Variants in PLPP2 observed in about 807,000 individuals in gnomAD.
PLPP2 encodes the protein PAP2-gamma.
A neutral mutation model predicts 35.2 loss-of-function variants in PLPP2; 29 were observed. The observed-to-expected ratio is 0.82, with a 90% CI of 0.61 to 1.12. The LOEUF is 1.12. Ranked by LOEUF, PLPP2 falls within the 50% of genes most tolerant of loss-of-function variation. The pLI is 0.00. For missense variants in PLPP2, 353 were observed against 375.2 expected, an observed-to-expected ratio of 0.94 and a Z score of 0.49; for synonymous variants, 162 against 167.0, an observed-to-expected ratio of 0.97 and a Z score of 0.23.
At position 287,900 on chromosome 19, in the gene PLPP2, TC is replaced by T; in HGVS notation, c.204+119del. Reference sequence around the variant, plus strand: ...AGGTACCACTCAGGGCAAGGCTGTGTCCCCCGGCCCCACACAGACCTCCAGG... The same window carrying T: ...AGGTACCACTCAGGGCAAGGCTGTGTCCCCGGCCCCACACAGACCTCCAGG... On this transcript the variant is annotated intron_variant, in intron 2 of 5. Coordinates refer to ENST00000434325, the MANE Select transcript of PLPP2 (RefSeq NM_003712.4). This position sits in a 1 kb window ranked among gnomAD's most constrained non-coding sequence, Gnocchi z 4.3. The T allele has an allele frequency of 6.6e-7, 1 of 1,506,220 alleles. No individual in the cohort carries two copies. The allele number at this position is 1,506,220 out of a possible 1,614,324, so 93.3% of individuals were successfully genotyped here.
intron 3 of PLPP2, chr19:285,413 A>G (rs1970254611): frequency 6.6e-6 from 1 of 151,948 alleles, no homozygotes; most frequent in South Asian, 2.1e-4. Context: ...CCTGGGGGAC[A>G]AGAGAGAGAC....
chr19:281,228 A>C lies in PLPP2; in HGVS notation c.*160T>G. 4.7e-6 allele frequency: 3 copies of C among 634,068 alleles called. No individual in the cohort carries two copies. Among genetic ancestry groups the C allele is most frequent in the Middle Eastern group, 4.8e-4 (1 of 2,092 alleles). 39.3% of individuals were successfully genotyped at this position (634,068 alleles called of 1,614,324 possible). On this transcript the variant is annotated 3_prime_UTR_variant, in exon 6 of 6. Transcript: ENST00000434325. ...CCAGGCATCTCCAGACTCCTGGTCC[A>C]GTGCAGGGCAGGGGGCAGCGGAGCC... is the stretch of plus-strand genomic sequence containing the variant.
At chr19:281,867 G>A (rs951255318) in intron 5 of PLPP2, 2 of 326,420 alleles carry the variant, frequency 6.1e-6, no homozygotes, top group Non-Finnish European at 1.1e-5. Flanking sequence ...GGATTGGGGG[G>A]AAGGGGTCCC....
Position 288,063 on chromosome 19 carries a change from T to C in PLPP2, c.161A>G (p.His54Arg). ...GATGGTGACCCCAGCCATGAGCCCG[T>C]GGGTGATGGTATCTGGACGGTAGGG... ...RYPYRPDTIT[H>R]GLMAGVTITA... Residue 54 changes from histidine (H) to arginine (R), a missense_variant, in exon 2 of 6, where the codon CAC (histidine) becomes CGC (arginine). Transcript: ENST00000434325. 6.2e-7 allele frequency: 1 copy of C among 1,613,782 alleles called. No homozygotes were observed. The highest frequency in any genetic ancestry group is 8.5e-7 in the Non-Finnish European group (1 of 1,179,954).
chr19:286,445 A>G (rs1409993611), intron 3 of PLPP2: 3 of 150,612 alleles, frequency 2.0e-5, no homozygotes, highest in African/African-American at 7.3e-5. Flanking sequence ...TCTCTAAAAG[A>G]AAAAAAAAAT....
intron 3 of PLPP2, chr19:285,248 C>T (rs1970251828): frequency 6.6e-6 from 1 of 152,022 alleles, no homozygotes; most frequent in Non-Finnish European, 1.5e-5. Flanking sequence ...GCCTAGCCAA[C>T]ATGGTGAAAC....
At chr19:282,039 A>G in intron 5 of PLPP2, 95 bp downstream of exon 5, 7 of 1,387,712 alleles carry the variant, frequency 5.0e-6, no homozygotes, top group Non-Finnish European at 6.9e-6. Flanking sequence ...CCAAGGAAGG[A>G]CTCAGTGGGG....
rs1412591886 is a variant in PLPP2, at chr19:287,630, C to T, written c.326G>A (p.Ser109Asn). 1 of 1,613,924 alleles carries T rather than the reference C, an allele frequency of 6.2e-7. No homozygotes were observed. Among genetic ancestry groups the T allele is most frequent in the Non-Finnish European group, 8.5e-7 (1 of 1,180,032 alleles). Residue 109 changes from serine to asparagine, a missense_variant, in exon 3 of 6, where the codon AGC becomes AAC. Coordinates refer to ENST00000434325, the MANE Select transcript of PLPP2 (RefSeq NM_003712.4). The surrounding 1 kb of genome is among the most constrained non-coding windows in gnomAD (Gnocchi z 4.3). ...CTTGGCCAGGTCTGTCAGAGACTGG[C>T]TCACGGCAGCCCCAAACAGGAAGGT... Reference protein sequence around the residue: ...LGTFLFGAAVSQSLTDLAKYM... With the variant: ...LGTFLFGAAVNQSLTDLAKYM...
In PLPP2 at chr19:282,794, C is replaced by T. The variant is rs751500921; in HGVS notation, c.498G>A (p.Ser166=). 1.6e-5 allele frequency: 26 copies of T among 1,613,574 alleles called. 1 individual carries two copies. The highest frequency in any genetic ancestry group is 1.6e-4 in the Middle Eastern group (1 of 6,080). ...DVTEARLSFY[S]GHSSFGMYCM... The stretch of plus-strand genomic sequence containing the variant: ...AGTACATCCCAAAGGAAGAGTGTCC[C>T]GAGTAGAAAGACAACCTGAGGAAGG... The change falls in exon 4 of 6, where the codon TCG becomes TCA. Residue 166 remains serine, a synonymous_variant. Coordinates refer to ENST00000434325, the MANE Select transcript of PLPP2 (RefSeq NM_003712.4).
intron 1 of PLPP2, 158 bp from the exon 2 acceptor site, chr19:288,329 T>TC (rs35895757): frequency 0.45 from 276,563 of 618,146 alleles, 67,070 homozygotes; most frequent in Middle Eastern, 0.48. Flanking sequence ...CCCTTTCGCA[T>TC]CCCCTCAGAC....
intron 1 of PLPP2, chr19:290,968 G>T: frequency 8.0e-7 from 1 of 1,246,438 alleles, no homozygotes; most frequent in Admixed American, 4.2e-5. Context: ...GGCCAGGCGG[G>T]GCGGGATGGA....
chr19:282,856 T>C, intron 3 of PLPP2, 47 bp from the exon 4 acceptor site: 1 of 1,547,620 alleles, frequency 6.5e-7, no homozygotes, highest in Non-Finnish European at 8.9e-7. Flanking sequence ...CCTTCCAACC[T>C]CCCCCTTGTC....
chr19:290,737 G>C (rs1225368362), intron 1 of PLPP2, among the ~76,000 whole-genome samples: 1 of 152,138 alleles, frequency 6.6e-6, no homozygotes, highest in African/African-American at 2.4e-5. Context: ...CTGGGACCCA[G>C]CCTTCATCCC....
chr19:288,892 A>G (rs2145277169), intron 1 of PLPP2, among the ~76,000 whole-genome samples: 1 of 152,318 alleles, frequency 6.6e-6, no homozygotes, highest in Non-Finnish European at 1.5e-5. Context: ...ATCGGTTAAA[A>G]TAAGGCAGGA....
At chr19:288,299 T>C (rs564256056) in intron 1 of PLPP2, 128 bp from the exon 2 acceptor site, 1 of 939,212 alleles carries the variant, frequency 1.1e-6, no homozygotes, top group East Asian at 2.7e-5. Context: ...AAGAGCTTTT[T>C]TCACAGCCCA....
At chr19:289,185 C>T (rs927660149) in intron 1 of PLPP2, among the ~76,000 whole-genome samples, 2 of 152,144 alleles carry the variant, frequency 1.3e-5, no homozygotes, top group Admixed American at 6.5e-5. Flanking sequence ...AACAAAAGCC[C>T]GGGTCGGCTA....
At chr19:282,544 C>T (rs112027115) in intron 4 of PLPP2, among the ~76,000 whole-genome samples, 2 of 151,146 alleles carry the variant, frequency 1.3e-5, no homozygotes, top group African/African-American at 4.9e-5. Flanking sequence ...ACCTGCCAGG[C>T]GCTCCCCCTC....
intron 1 of PLPP2, among the ~76,000 whole-genome samples, chr19:289,482 G>A (rs1022062257): frequency 5.3e-5 from 5 of 95,066 alleles, no homozygotes; most frequent in African/African-American, 1.2e-4. Context: ...TTGGGAGGCC[G>A]AGGCGGGCAG....
Position 291,339 on chromosome 19 carries a change from T to TC in PLPP2, c.-4dup. On this transcript the variant is annotated 5_prime_UTR_variant, in exon 1 of 6. Transcript: ENST00000434325. The stretch of plus-strand genomic sequence containing the variant: ...ACGAAGACCCACCTCCGCTGCATGG[T>TC]CCCCGCGACCCCCGACGCCGGTCCC... 6.3e-7 allele frequency: 1 copy of TC among 1,582,574 alleles called. No homozygotes were observed. Among genetic ancestry groups the TC allele is most frequent in the South Asian group, 1.1e-5 (1 of 88,230 alleles).
Sources: allele counts gnomAD v4.1 joint callset (sites outside exome capture counted in the v4.1 genomes callset), GRCh38; gene constraint gnomAD v4.1.1; non-coding constraint Gnocchi (gnomAD v3.1); transcripts MANE v1.5; gene names NCBI Gene and HGNC (gene_info 2026-07-23, HGNC 2026-07-21).